ADARB2: variants seen among roughly 807,000 people sequenced by gnomAD.
The protein encoded by ADARB2 is inactive double-stranded RNA-specific editase B2.
A neutral mutation model predicts 62.2 loss-of-function variants in ADARB2; 25 were observed. The observed-to-expected ratio is 0.40, with a 90% CI of 0.29 to 0.56. ADARB2 has a LOEUF of 0.56. Ranked by LOEUF, ADARB2 falls within the 20% of genes least tolerant of loss-of-function variation. The pLI is 0.43. For missense variants in ADARB2, 1,071 were observed against 1,077.4 expected, an observed-to-expected ratio of 0.99 and a Z score of 0.08; for synonymous variants, 572 against 500.8, an observed-to-expected ratio of 1.14 and a Z score of -1.90.
chr10:1,250,193 A>G (rs1278112950), intron 4 of ADARB2, among the ~76,000 whole-genome samples: 1 of 151,784 alleles, frequency 6.6e-6, no homozygotes, highest in Non-Finnish European at 1.5e-5. Context: ...TGTTTTGGAC[A>G]AGACACCTGG....
chr10:1,290,925 C>T (rs546282906), intron 3 of ADARB2: 3 of 152,190 alleles, frequency 2.0e-5, no homozygotes, highest in African/African-American at 7.2e-5. Flanking sequence ...ATTTTGAGCC[C>T]GGGTTTAATT....
Position 1,584,473 on chromosome 10 carries a change from C to A in ADARB2, c.100+152578G>T, listed in dbSNP as rs140674450. ...TGGTGAGGATGTGGAGCAGCAGGAA[C>A]TCCCATCATTGCTGGTGGGAATGCA... On this transcript the variant is annotated intron_variant, in intron 1 of 9. Transcript: ENST00000381312. Among the ~76,000 whole-genome samples the A allele has an allele frequency of 1.9e-4, 29 of 152,336 alleles. No homozygotes were observed. The East Asian group carries it at 4.8e-3, about 25-fold the overall frequency.
chr10:1,317,761 G>A (rs952871766), intron 3 of ADARB2, among the ~76,000 whole-genome samples: 1 of 142,062 alleles, frequency 7.0e-6, no homozygotes, highest in South Asian at 2.4e-4. Flanking sequence ...CTGGGGGGGG[G>A]TGGGTCAGTT....
chr10:1,510,048 CTT>C (rs1491219016), intron 1 of ADARB2, among the ~76,000 whole-genome samples: 14 of 150,828 alleles, frequency 9.3e-5, no homozygotes, highest in Middle Eastern at 3.4e-3. Flanking sequence ...TTTTCTCTCT[CTT>C]CTCTCTCTCT....
At chr10:1,682,576 G>C (rs1470825745) in intron 1 of ADARB2, among the ~76,000 whole-genome samples, 1 of 152,146 alleles carries the variant, frequency 6.6e-6, no homozygotes, top group African/African-American at 2.4e-5. Flanking sequence ...ATTAAGCCGG[G>C]TTCAGGGTGT....
chr10:1,544,159 C>T (rs1166283345), intron 1 of ADARB2, among the ~76,000 whole-genome samples: 1 of 152,316 alleles, frequency 6.6e-6, no homozygotes, highest in South Asian at 2.1e-4. Flanking sequence ...CATGAAACCC[C>T]ATGCTCTTGT....
At chr10:1,227,711 C>T (rs183813442) in intron 6 of ADARB2, among the ~76,000 whole-genome samples, 43 of 152,264 alleles carry the variant, frequency 2.8e-4, no homozygotes, top group South Asian at 4.1e-4. Flanking sequence ...ATGGTTGCTA[C>T]CATCACAAGG....
intron 7 of ADARB2, among the ~76,000 whole-genome samples, chr10:1,205,270 G>T (rs1323116295): frequency 2.4e-5 from 2 of 83,182 alleles, no homozygotes; most frequent in African/African-American, 5.6e-5. Context: ...TGTTGTTTTA[G>T]GGCCACCTAA....
intron 1 of ADARB2, among the ~76,000 whole-genome samples, chr10:1,455,087 T>C (rs575582596): frequency 1.3e-5 from 2 of 152,300 alleles, no homozygotes; most frequent in African/African-American, 2.4e-5. Context: ...ACCTTGTCAC[T>C]GAACAACGTG....
intron 4 of ADARB2, among the ~76,000 whole-genome samples, chr10:1,242,740 G>A (rs1830939085): frequency 1.3e-5 from 2 of 152,142 alleles, no homozygotes; most frequent in Non-Finnish European, 2.9e-5. Flanking sequence ...GGCAGGACAG[G>A]AGCTGATGAA....
rs532000301 is a variant in ADARB2, at chr10:1,221,061, T to C, written c.1514-3942A>G. Among the ~76,000 whole-genome samples the C allele has an allele frequency of 3.4e-4, 52 of 152,320 alleles. 1 individual carries two copies. The highest frequency in any genetic ancestry group is 1.2e-3 in the African/African-American group (51 of 41,574). ...TCCTGCAGAGCCCATTTCCTCTGGCTCTTTCCTGGCTAATTGTGAGAGGTG... is the reference window on the plus strand; with the variant it reads ...TCCTGCAGAGCCCATTTCCTCTGGCCCTTTCCTGGCTAATTGTGAGAGGTG... On this transcript the variant is annotated intron_variant, in intron 6 of 9. Coordinates refer to ENST00000381312, the MANE Select transcript of ADARB2 (RefSeq NM_018702.4).
intron 1 of ADARB2, among the ~76,000 whole-genome samples, chr10:1,621,173 T>G (rs1833699896): frequency 6.6e-6 from 1 of 152,206 alleles, no homozygotes; most frequent in South Asian, 2.1e-4. Context: ...TAGGAAATAT[T>G]AAAATGTATT....
chr10:1,469,392 C>T (rs940365278), intron 1 of ADARB2, among the ~76,000 whole-genome samples: 26 of 152,160 alleles, frequency 1.7e-4, no homozygotes, highest in Non-Finnish European at 3.1e-4. Flanking sequence ...GTATTCTGAT[C>T]TTAGAATTTG....
intron 1 of ADARB2, among the ~76,000 whole-genome samples, chr10:1,597,107 TTATGCTG>T (rs1005862964): frequency 3.3e-5 from 5 of 152,214 alleles, no homozygotes; most frequent in Non-Finnish European, 7.3e-5. Context: ...TAATTATACA[TTATGCTG>T]ATGGTGCCTT....
Position 1,181,638 on chromosome 10 carries a change from A to C in ADARB2, c.*1555T>G, listed in dbSNP as rs1836676507. ...CATTATGATAACTGTAATTTATAGCACTTGACTATGTACAGCACAATGTTA... is the reference window on the plus strand; with the variant it reads ...CATTATGATAACTGTAATTTATAGCCCTTGACTATGTACAGCACAATGTTA... On this transcript the variant is annotated 3_prime_UTR_variant, in exon 10 of 10. Transcript: ENST00000381312. 6.6e-6 allele frequency: 1 copy of C among 152,248 alleles called. No individual in the cohort carries two copies. The highest frequency in any genetic ancestry group is 1.5e-5 in the Non-Finnish European group (1 of 68,050). 9.4% of individuals were successfully genotyped at this position (152,248 alleles called of 1,614,324 possible). A position where few individuals can be genotyped will look rare whatever the true frequency, so the allele number is the denominator to read the frequency against.
intron 1 of ADARB2, among the ~76,000 whole-genome samples, chr10:1,705,323 T>G (rs1834875183): frequency 6.6e-6 from 1 of 151,964 alleles, no homozygotes. Flanking sequence ...GGGAGGGTAG[T>G]GTGGTCTGGA....
At position 1,481,782 on chromosome 10, in the gene ADARB2, A is replaced by G. The variant is rs536281127; in HGVS notation, c.101-102622T>C. Among the ~76,000 whole-genome samples the G allele has an allele frequency of 2.1e-4, 31 of 150,774 alleles. 2 individuals are homozygous for G. The East Asian group carries it at 5.9e-3, about 29-fold the overall frequency. ...TGAGGCAGGAGAATGGCTTGAACCC[A>G]GGAGGTGAAGTTTGCAGTGAGCTGA... On this transcript the variant is annotated intron_variant, in intron 1 of 9. Transcript: ENST00000381312.
chr10:1,469,264 C>T lies in ADARB2; in HGVS notation c.101-90104G>A, dbSNP rs147159703. Among the ~76,000 whole-genome samples, 99 of 152,382 alleles carry T rather than the reference C, an allele frequency of 6.5e-4. No homozygotes were observed. The East Asian group carries it at 0.018, about 28-fold the overall frequency. On this transcript the variant is annotated intron_variant, in intron 1 of 9. Transcript: ENST00000381312. ...GCAAAGCACCGCGGTCTGCGCACGGCTCCGGGAGGTCACGGCCTTCCCTTT... is the reference window on the plus strand; with the variant it reads ...GCAAAGCACCGCGGTCTGCGCACGGTTCCGGGAGGTCACGGCCTTCCCTTT...
chr10:1,530,791 T>C (rs1407936915), intron 1 of ADARB2, among the ~76,000 whole-genome samples: 1 of 152,228 alleles, frequency 6.6e-6, no homozygotes, highest in African/African-American at 2.4e-5. Context: ...GCCTTTGCCT[T>C]GAGGCTTGCT....
Sources: allele counts gnomAD v4.1 joint callset (sites outside exome capture counted in the v4.1 genomes callset), GRCh38; gene constraint gnomAD v4.1.1; transcripts MANE v1.5; gene names NCBI Gene and HGNC (gene_info 2026-07-23, HGNC 2026-07-21).